Variants in TBX15 observed in about 807,000 individuals in gnomAD.
TBX15 encodes T-box transcription factor TBX15.
In TBX15, 18 loss-of-function variants were observed where a neutral mutation model predicts 53.9. The observed-to-expected ratio is 0.33, with a 90% CI of 0.23 to 0.49. The LOEUF (loss-of-function observed/expected upper bound fraction) is 0.49. Among genes scored for constraint, TBX15 ranks in the 20% least tolerant of loss-of-function variants. The pLI is 0.98. For synonymous variants in TBX15, 295 were observed against 278.0 expected, an observed-to-expected ratio of 1.06 and a Z score of -0.61; for missense variants, 692 against 749.5, an observed-to-expected ratio of 0.92 and a Z score of 0.90.
chr1:118,917,015 T>A (rs999134137), intron 5 of TBX15, among the ~76,000 whole-genome samples: 1 of 152,226 alleles, frequency 6.6e-6, no homozygotes, highest in Non-Finnish European at 1.5e-5. Flanking sequence ...GTGCAGGGAT[T>A]CCTCAAAGAC....
At chr1:118,919,608 A>G (rs1260892591) in intron 5 of TBX15, among the ~76,000 whole-genome samples, 2 of 152,228 alleles carry the variant, frequency 1.3e-5, no homozygotes, top group East Asian at 3.8e-4. Context: ...ACAGATATAT[A>G]AAGAAACCAG....
At chr1:118,909,528 A>G (rs1187056486) in intron 6 of TBX15, among the ~76,000 whole-genome samples, 1 of 152,140 alleles carries the variant, frequency 6.6e-6, no homozygotes, top group Non-Finnish European at 1.5e-5. Context: ...AGCCAGGAGG[A>G]CTTCTCCATG....
At position 118,899,111 on chromosome 1, in the gene TBX15, G is replaced by A. The variant is rs926584293; in HGVS notation, c.941C>T (p.Ala314Val). Residue 314 changes from alanine (A) to valine (V), a missense_variant, in exon 7 of 8, where the codon GCC becomes GTC. Physicochemically the swap from Ala to Val is moderately conservative, Grantham distance 64 (BLOSUM62 0). Around this residue, in one of 3 missense-constraint regions of TBX15, gnomAD observed 375 missense variants for 371.6 expected, o/e 1.01. Transcript: ENST00000369429. ...DSGRNRTGLE[A>V]IMETYAFWRP... is the part of the protein sequence containing the mutation. The stretch of plus-strand genomic sequence containing the variant: ...CCAGAATGCATATGTCTCCATGATG[G>A]CTTCAAGTCCAGTTCTGACAAGAGA... 1 of 1,613,412 alleles carries A rather than the reference G, an allele frequency of 6.2e-7. No individual in the cohort carries two copies. Among genetic ancestry groups the A allele is most frequent in the Non-Finnish European group, 8.5e-7 (1 of 1,179,652 alleles).
chr1:118,931,923 G>C (rs1655801724), intron 1 of TBX15, 91 bp from the exon 2 acceptor site: 2 of 1,274,042 alleles, frequency 1.6e-6, no homozygotes, highest in African/African-American at 1.5e-5. Context: ...ATGCAATGAA[G>C]TGGGGAGAGG....
chr1:118,929,487 A>G (rs569659015), intron 2 of TBX15, among the ~76,000 whole-genome samples: 2 of 152,334 alleles, frequency 1.3e-5, no homozygotes, highest in East Asian at 3.9e-4. Context: ...TTTCAGAATT[A>G]CCTGAGAAGA....
rs376609693 is a variant in TBX15 at position 118,885,318 on chromosome 1, G to A, written c.1223C>T (p.Ala408Val). ...CAGCCCTGGGTAGCTCTGCAAGGCAGCCATGTTGCTTCGGGCACATGGTGG... is the reference window on the plus strand; with the variant it reads ...CAGCCCTGGGTAGCTCTGCAAGGCAACCATGTTGCTTCGGGCACATGGTGG... ...DYPPCARSNM[A>V]ALQSYPGLSD... The change falls in exon 8 of 8, where the codon GCT becomes GTT. Residue 408 changes from alanine to valine, a missense_variant. Around this residue, in one of 3 missense-constraint regions of TBX15, gnomAD observed 375 missense variants for 371.6 expected, o/e 1.01. Coordinates refer to ENST00000369429, the MANE Select transcript of TBX15 (RefSeq NM_001330677.2). The A allele has an allele frequency of 8.7e-6, 14 of 1,614,034 alleles. No homozygotes were observed. Among genetic ancestry groups the A allele is most frequent in the Middle Eastern group, 3.3e-4 (2 of 6,084 alleles).
chr1:118,956,674 C>T (rs189424478), intron 1 of TBX15, among the ~76,000 whole-genome samples: 33 of 152,066 alleles, frequency 2.2e-4, no homozygotes, highest in Middle Eastern at 3.4e-3. Context: ...TAAATCTGGC[C>T]GGGCGCAGTG....
rs532877131 is a variant in TBX15 at position 118,937,581 on chromosome 1, A to T, written c.206-5749T>A. On this transcript the variant is annotated intron_variant, in intron 1 of 7. Coordinates refer to ENST00000369429, the MANE Select transcript of TBX15 (RefSeq NM_001330677.2). Reference sequence around the variant, plus strand: ...AGCCTGGTTTCTATGTGAAATGTGTAAGCTGACTGTAGAGTCAGATAAGAG... The same window carrying T: ...AGCCTGGTTTCTATGTGAAATGTGTTAGCTGACTGTAGAGTCAGATAAGAG... Among the ~76,000 whole-genome samples, 3 of 152,358 alleles carry T rather than the reference A, an allele frequency of 2.0e-5. No individual in the cohort carries two copies. In the East Asian group the frequency reaches 5.8e-4, roughly 29 times the overall value.
At position 118,987,621 on chromosome 1, in the gene TBX15, C is replaced by G. The variant is rs1220688773; in HGVS notation, c.175G>C (p.Ala59Pro). ...PAGPLGDTEDAAAHGLEPHPD... is the reference protein window; with the variant it reads ...PAGPLGDTEDPAAHGLEPHPD... ...TGAGGCTCCAGGCCGTGTGCCGCCG[C>G]GTCCTCCGTGTCTCCGAGTGGGCCC... The change falls in exon 1 of 8, where the codon GCG becomes CCG. Residue 59 changes from alanine to proline, a missense_variant. By Grantham distance (27) the Ala-to-Pro change is conservative. Coordinates refer to ENST00000369429, the MANE Select transcript of TBX15 (RefSeq NM_001330677.2). 1 of 1,549,422 alleles carries G rather than the reference C, an allele frequency of 6.5e-7. No individual in the cohort carries two copies. Among genetic ancestry groups the G allele is most frequent in the Non-Finnish European group, 8.7e-7 (1 of 1,146,768 alleles).
At chr1:118,939,567 G>A (rs1229241514) in intron 1 of TBX15, among the ~76,000 whole-genome samples, 2 of 152,008 alleles carry the variant, frequency 1.3e-5, no homozygotes, top group East Asian at 1.9e-4. Context: ...AGGGAGGCAT[G>A]GGTTGAAAAA....
chr1:118,906,609 G>A (rs1654839072), intron 6 of TBX15, among the ~76,000 whole-genome samples: 1 of 152,134 alleles, frequency 6.6e-6, no homozygotes, highest in South Asian at 2.1e-4. Flanking sequence ...TCATGGGAAA[G>A]TTCTTTACTC....
chr1:118,961,997 C>G (rs1656893390), intron 1 of TBX15, among the ~76,000 whole-genome samples: 1 of 152,182 alleles, frequency 6.6e-6, no homozygotes, highest in Non-Finnish European at 1.5e-5. Flanking sequence ...AAGTTACAGT[C>G]AACTTCTACT....
At chr1:118,888,408 G>A (rs1039390575) in intron 7 of TBX15, among the ~76,000 whole-genome samples, 2 of 152,198 alleles carry the variant, frequency 1.3e-5, no homozygotes, top group African/African-American at 4.8e-5. Context: ...TCTCTGGCAG[G>A]AGAAGATTCT....
intron 1 of TBX15, among the ~76,000 whole-genome samples, chr1:118,952,336 C>A (rs1234172290): frequency 6.6e-6 from 1 of 152,038 alleles, no homozygotes; most frequent in Non-Finnish European, 1.5e-5. Flanking sequence ...GAAGTTATAT[C>A]GAGATTTTTG....
chr1:118,899,177 A>G, intron 6 of TBX15, 52 bp from the exon 7 acceptor site: 1 of 1,533,422 alleles, frequency 6.5e-7, no homozygotes, highest in Non-Finnish European at 9.0e-7. Context: ...CAAGAAATGC[A>G]TTGACTTTTC....
chr1:118,937,159 A>C (rs1655998690), intron 1 of TBX15, among the ~76,000 whole-genome samples: 1 of 152,210 alleles, frequency 6.6e-6, no homozygotes, highest in Non-Finnish European at 1.5e-5. Flanking sequence ...ATGATGGAGA[A>C]AGAATTTCAG....
intron 1 of TBX15, among the ~76,000 whole-genome samples, chr1:118,974,547 A>G (rs1419758449): frequency 1.3e-5 from 2 of 152,204 alleles, no homozygotes; most frequent in Admixed American, 6.5e-5. Flanking sequence ...AAAGTAATGG[A>G]AAGACAGTGA....
At chr1:118,937,527 C>A (rs1401773107) in intron 1 of TBX15, among the ~76,000 whole-genome samples, 1 of 152,156 alleles carries the variant, frequency 6.6e-6, no homozygotes, top group African/African-American at 2.4e-5. Flanking sequence ...TAATGCTTTG[C>A]CCCATCTCAT....
chr1:118,953,181 A>T (rs56324715), intron 1 of TBX15, among the ~76,000 whole-genome samples: 46,388 of 152,088 alleles, frequency 0.31, 8,587 homozygotes, highest in East Asian at 0.57. Flanking sequence ...CACACTAGTG[A>T]TTTCTTAGGT....
Sources: allele counts gnomAD v4.1 joint callset (sites outside exome capture counted in the v4.1 genomes callset), GRCh38; gene constraint gnomAD v4.1.1; regional missense constraint gnomAD v4.1.1; transcripts MANE v1.5; gene names NCBI Gene and HGNC (gene_info 2026-07-23, HGNC 2026-07-21).